Variants in AKAP6 observed in about 807,000 individuals in gnomAD.
AKAP6 encodes the protein A-kinase anchoring protein 6, also known as A-kinase anchor protein 6.
A neutral mutation model predicts 188.5 loss-of-function variants in AKAP6; 58 were observed. The observed-to-expected ratio is 0.31, with a 90% CI of 0.25 to 0.38. The LOEUF (loss-of-function observed/expected upper bound fraction) is 0.38, where lower values mean the gene tolerates loss of function less well. Ranked by LOEUF, AKAP6 falls within the 10% of genes least tolerant of loss-of-function variation. AKAP6 has a pLI of 1.00. For missense variants in AKAP6, 2,710 were observed against 2,740.0 expected (o/e 0.99, Z 0.24); for synonymous variants, 989 against 998.6 (o/e 0.99, Z 0.18).
intron 12 of AKAP6, among the ~76,000 whole-genome samples, chr14:32,798,091 A>G (rs934902566): frequency 2.6e-5 from 4 of 152,232 alleles, no homozygotes; most frequent in African/African-American, 9.6e-5. Context: ...AAGGACATGA[A>G]CAGACACTTC....
At chr14:32,783,284 T>C (rs1191964180) in intron 12 of AKAP6, among the ~76,000 whole-genome samples, 3 of 152,010 alleles carry the variant, frequency 2.0e-5, no homozygotes, top group Non-Finnish European at 2.9e-5. Flanking sequence ...ATGTAAAATG[T>C]AGAAAATTTT....
At chr14:32,523,262 G>T (rs1395283240) in intron 2 of AKAP6, among the ~76,000 whole-genome samples, 1 of 152,042 alleles carries the variant, frequency 6.6e-6, no homozygotes, top group Non-Finnish European at 1.5e-5. Flanking sequence ...CACCAACATG[G>T]CACATGTATA....
intron 1 of AKAP6, among the ~76,000 whole-genome samples, chr14:32,363,293 G>A (rs1369359241): frequency 1.3e-5 from 2 of 152,182 alleles, no homozygotes; most frequent in Admixed American, 1.3e-4. Context: ...AGGTTTCACA[G>A]AGGAGATGTG....
chr14:32,547,524 C>T (rs763555992), intron 4 of AKAP6, among the ~76,000 whole-genome samples: 2 of 152,164 alleles, frequency 1.3e-5, no homozygotes, highest in Non-Finnish European at 2.9e-5. Context: ...TGGCTAATAA[C>T]CATATTACCT....
At chr14:32,624,087 AAAG>A (rs1318764173) in intron 7 of AKAP6, among the ~76,000 whole-genome samples, 1 of 152,162 alleles carries the variant, frequency 6.6e-6, no homozygotes, top group Non-Finnish European at 1.5e-5. Flanking sequence ...TGGAATAAAA[AAAG>A]AGATCTTGGT....
intron 2 of AKAP6, among the ~76,000 whole-genome samples, chr14:32,528,226 T>C (rs1301815991): frequency 6.6e-6 from 1 of 152,184 alleles, no homozygotes; most frequent in Non-Finnish European, 1.5e-5. Flanking sequence ...CTTTTCTCTA[T>C]TGTGTTGCCT....
chr14:32,466,894 A>T (rs999011987), intron 2 of AKAP6, among the ~76,000 whole-genome samples: 9 of 144,228 alleles, frequency 6.2e-5, no homozygotes, highest in Middle Eastern at 3.7e-3. Flanking sequence ...TATATATATA[A>T]AAACAAAACA....
chr14:32,629,458 G>GTT (rs773829389), intron 7 of AKAP6, among the ~76,000 whole-genome samples: 5 of 129,190 alleles, frequency 3.9e-5, no homozygotes, highest in Admixed American at 7.8e-5. Context: ...AGGCAGTCAT[G>GTT]TTTTTTTTTT....
chr14:32,691,120 C>T (rs1890160837), intron 8 of AKAP6, among the ~76,000 whole-genome samples: 1 of 152,080 alleles, frequency 6.6e-6, no homozygotes. Flanking sequence ...AAAAGGGACT[C>T]ATAGTTCTTA....
intron 2 of AKAP6, among the ~76,000 whole-genome samples, chr14:32,483,007 A>ATGTG (rs796833606): frequency 6.8e-6 from 1 of 147,598 alleles, no homozygotes; most frequent in South Asian, 2.2e-4. Flanking sequence ...ATATATATAT[A>ATGTG]TATATGTATC....
At chr14:32,361,948 T>G (rs746659454) in intron 1 of AKAP6, among the ~76,000 whole-genome samples, 2 of 152,102 alleles carry the variant, frequency 1.3e-5, no homozygotes, top group Non-Finnish European at 2.9e-5. Context: ...TTTCTGAGTT[T>G]TTTTTTTTCA....
At chr14:32,404,372 G>A (rs1243140601) in intron 1 of AKAP6, among the ~76,000 whole-genome samples, 23 of 151,838 alleles carry the variant, frequency 1.5e-4, no homozygotes. Flanking sequence ...GATTTTTGTT[G>A]GGGGAGTGCT....
chr14:32,571,759 G>A (rs1258513022), intron 4 of AKAP6, among the ~76,000 whole-genome samples: 3 of 152,100 alleles, frequency 2.0e-5, no homozygotes, highest in Admixed American at 2.0e-4. Context: ...AGTTCAGGAG[G>A]GTGGCTCAAC....
At chr14:32,348,820 G>A (rs147190282) in intron 1 of AKAP6, among the ~76,000 whole-genome samples, 301 of 152,220 alleles carry the variant, frequency 2.0e-3, no homozygotes, top group African/African-American at 7.1e-3. Context: ...ACTCTGCAGG[G>A]CCCAGATAAC....
At chr14:32,488,535 C>T (rs4489913) in intron 2 of AKAP6, among the ~76,000 whole-genome samples, 100,403 of 151,956 alleles carry the variant, frequency 0.66, 34,766 homozygotes, top group East Asian at 0.86. Flanking sequence ...TCCAGGGGAC[C>T]GAACAGTTCT....
rs1041963846 is a variant in AKAP6, at chr14:32,813,399, C to A, written c.3589-8003C>A. Among the ~76,000 whole-genome samples, 19 of 125,112 alleles carry A rather than the reference C, an allele frequency of 1.5e-4. 1 individual carries two copies. The highest frequency in any genetic ancestry group is 7.3e-4 in the South Asian group (2 of 2,750). 82.1% of individuals were successfully genotyped at this position (125,112 alleles called of 152,430 possible). On this transcript the variant is annotated intron_variant, in intron 12 of 13. Transcript: ENST00000280979. ...TTCATCTCTAACCCTACCCCCCCCC[C>A]CAACCCCTTTCCCAGAGGTCCTTCG...
At chr14:32,522,479 A>C (rs1158250109) in intron 2 of AKAP6, among the ~76,000 whole-genome samples, 1 of 145,628 alleles carries the variant, frequency 6.9e-6, no homozygotes, top group Non-Finnish European at 1.5e-5. Context: ...AAAGAACTTA[A>C]ACAAACTTAC....
intron 2 of AKAP6, among the ~76,000 whole-genome samples, chr14:32,463,149 G>A (rs946709605): frequency 1.3e-5 from 2 of 152,010 alleles, no homozygotes; most frequent in Non-Finnish European, 2.9e-5. Flanking sequence ...CACAGTAATA[G>A]TGGGAGAGTT....
In AKAP6 at chr14:32,600,788, C is replaced by G; in HGVS notation, c.2726C>G (p.Pro909Arg). The change falls in exon 7 of 14, where the codon CCC becomes CGC. Residue 909 changes from proline (P) to arginine (R), a missense_variant. Transcript: ENST00000280979. ...SVEDEEGTGS[P>R]KAEVQLCYLE... ...GAGGATGAGGAAGGGACTGGAAGCC[C>G]CAAGGTAAGTGGCTTGAAGTTTGCC... The G allele has an allele frequency of 1.2e-6, 2 of 1,603,982 alleles. No homozygotes were observed. The highest frequency in any genetic ancestry group is 8.5e-7 in the Non-Finnish European group (1 of 1,175,320).
Sources: allele counts gnomAD v4.1 joint callset (sites outside exome capture counted in the v4.1 genomes callset), GRCh38; gene constraint gnomAD v4.1.1; transcripts MANE v1.5; gene names NCBI Gene and HGNC (gene_info 2026-07-23, HGNC 2026-07-21).